Variants in GSK3B observed in about 807,000 individuals in gnomAD.
GSK3B encodes glycogen synthase kinase 3 beta, also known as glycogen synthase kinase-3 beta.
Under a neutral mutation model 56.4 loss-of-function variants are expected in GSK3B, and 15 were observed. The ratio of observed to expected loss-of-function variants is 0.27; its 90% confidence interval spans 0.18 to 0.41. GSK3B has a LOEUF of 0.41. GSK3B is among the 10% of genes least tolerant of loss of function. The pLI is 1.00. For missense variants in GSK3B, 300 were observed against 513.4 expected, an observed-to-expected ratio of 0.58 and a Z score of 4.02; for synonymous variants, 181 against 188.9, an observed-to-expected ratio of 0.96 and a Z score of 0.34.
At chr3:120,066,537 G>A (rs1443626976) in intron 1 of GSK3B, among the ~76,000 whole-genome samples, 1 of 152,256 alleles carries the variant, frequency 6.6e-6, no homozygotes, top group East Asian at 1.9e-4. Flanking sequence ...TCTGTCAAAT[G>A]CTAAAGAATC....
At chr3:120,051,152 GA>G (rs111274518) in intron 1 of GSK3B, among the ~76,000 whole-genome samples, 5,280 of 147,530 alleles carry the variant, frequency 0.036, 331 homozygotes, top group African/African-American at 0.12. Flanking sequence ...TAATGATGGA[GA>G]AAAAAATCAG....
chr3:120,089,687 ACTAG>A (rs2058494851), intron 1 of GSK3B, among the ~76,000 whole-genome samples: 1 of 152,222 alleles, frequency 6.6e-6, no homozygotes, highest in Non-Finnish European at 1.5e-5. Flanking sequence ...AACCTAAACA[ACTAG>A]CTAAATTTTC....
At chr3:119,844,079 TA>T (rs2055819232) in intron 9 of GSK3B, among the ~76,000 whole-genome samples, 1 of 152,116 alleles carries the variant, frequency 6.6e-6, no homozygotes, top group Non-Finnish European at 1.5e-5. Flanking sequence ...GACTACTGGG[TA>T]AATAACGAAA....
intron 2 of GSK3B, among the ~76,000 whole-genome samples, chr3:119,999,978 A>G (rs895340617): frequency 2.6e-5 from 4 of 152,236 alleles, no homozygotes; most frequent in Non-Finnish European, 2.9e-5. Context: ...AACATGACCA[A>G]TGAGAACTCT....
intron 1 of GSK3B, among the ~76,000 whole-genome samples, chr3:120,068,643 T>A (rs1244803721): frequency 1.3e-5 from 2 of 151,588 alleles, no homozygotes; most frequent in East Asian, 1.9e-4. Flanking sequence ...GAGGTTGCAG[T>A]GAGCTGAGAT....
chr3:120,067,082 G>C (rs1576306694), intron 1 of GSK3B, among the ~76,000 whole-genome samples: 1 of 152,116 alleles, frequency 6.6e-6, no homozygotes, highest in African/African-American at 2.4e-5. Context: ...AATCAAAGCT[G>C]TCCTGGGCCA....
intron 1 of GSK3B, among the ~76,000 whole-genome samples, chr3:120,066,422 T>C (rs2058279085): frequency 6.6e-6 from 1 of 152,138 alleles, no homozygotes; most frequent in South Asian, 2.1e-4. Flanking sequence ...TTGGCAAAAA[T>C]GGAACAATTT....
intron 8 of GSK3B, among the ~76,000 whole-genome samples, chr3:119,871,340 A>G (rs1020522497): frequency 6.6e-6 from 1 of 152,220 alleles, no homozygotes; most frequent in African/African-American, 2.4e-5. Context: ...TTTGTGAATA[A>G]TGCTTTCTGG....
intron 1 of GSK3B, among the ~76,000 whole-genome samples, chr3:120,014,529 TGAAG>T (rs1290443379): frequency 6.6e-6 from 1 of 152,108 alleles, no homozygotes; most frequent in Admixed American, 6.5e-5. Flanking sequence ...AATGAAACTA[TGAAG>T]AAAGAAAGGA....
Sources: gnomAD v4.1 joint callset for allele counts (sites outside exome capture counted in the v4.1 genomes callset) on GRCh38, gnomAD v4.1.1 for gene constraint, MANE v1.5 for transcripts, NCBI Gene and HGNC (gene_info 2026-07-23, HGNC 2026-07-21) for gene names.